Variants in LARS1 observed in about 807,000 individuals in gnomAD.
LARS1 encodes the protein leucyl-tRNA synthetase 1, also known as leucine--tRNA ligase, cytoplasmic.
LARS1 carries 100 observed loss-of-function variants against 162.8 expected under a neutral mutation model. That is an observed-to-expected ratio of 0.61 (90% CI 0.52 to 0.73). The LOEUF (loss-of-function observed/expected upper bound fraction) is 0.73, where lower values mean the gene tolerates loss of function less well. Among genes scored for constraint, LARS1 ranks in the 30% least tolerant of loss-of-function variants. The pLI is 0.00. For synonymous variants in LARS1, 457 were observed against 462.8 expected (o/e 0.99, Z 0.16); for missense variants, 1,258 against 1,408.9 (o/e 0.89, Z 1.71).
chr5:146,152,940 C>T (rs1234797977), intron 13 of LARS1, among the ~76,000 whole-genome samples: 2 of 152,108 alleles, frequency 1.3e-5, no homozygotes, highest in African/African-American at 4.8e-5. Flanking sequence ...ATTGGTGATG[C>T]TAAAAAGCTA....
intron 28 of LARS1, among the ~76,000 whole-genome samples, chr5:146,125,515 C>A (rs1233782220): frequency 6.6e-6 from 1 of 151,974 alleles, no homozygotes; most frequent in Non-Finnish European, 1.5e-5. Context: ...GAGCCTACTT[C>A]TTGACTAGTG....
rs375958004 is a variant in LARS1 at position 146,149,489 on chromosome 5, A to G, written c.1503+133T>C. 1.6e-5 allele frequency: 11 copies of G among 702,888 alleles called. No homozygotes were observed. In the East Asian group the frequency reaches 2.5e-4, roughly 16 times the overall value. The allele number at this position is 702,888 out of a possible 1,614,324, so 43.5% of individuals were successfully genotyped here. On this transcript the variant is annotated intron_variant, in intron 15 of 31. Coordinates refer to ENST00000394434, the MANE Select transcript of LARS1 (RefSeq NM_020117.11). Reference sequence around the variant, plus strand: ...GTTAAATGAATTGCTAAATAGGTCTATTTTCTGCCGCAAAACTGTATGATA... The same window carrying G: ...GTTAAATGAATTGCTAAATAGGTCTGTTTTCTGCCGCAAAACTGTATGATA...
At chr5:146,114,888 C>CA (rs1280313153) in intron 31 of LARS1, among the ~76,000 whole-genome samples, 10 of 150,896 alleles carry the variant, frequency 6.6e-5, no homozygotes, top group African/African-American at 2.4e-4. Context: ...TACTAAAATA[C>CA]AAAAAATTAG....
In LARS1 at chr5:146,128,744, G is replaced by A. The variant is rs1285758361; in HGVS notation, c.2808C>T (p.Cys936=). The A allele has an allele frequency of 6.2e-7, 1 of 1,602,462 alleles. No homozygotes were observed. The highest frequency in any genetic ancestry group is 8.5e-7 in the Non-Finnish European group (1 of 1,176,964). Residue 936 remains cysteine, a synonymous_variant, in exon 27 of 32, where the codon TGC becomes TGT. Transcript: ENST00000394434. Reference sequence around the variant, plus strand: ...GATAGTTCTTTGCCACATAGATGGTGCAATGTGAGGGCTTCTGCAGGGGTT... The same window carrying A: ...GATAGTTCTTTGCCACATAGATGGTACAATGTGAGGGCTTCTGCAGGGGTT... ...DKQPLQKPSH[C]TIYVAKNYPP... is the part of the protein sequence containing the mutation.
At chr5:146,131,233 T>C (rs1752265914) in intron 23 of LARS1, 124 bp from the exon 24 acceptor site, 4 of 532,362 alleles carry the variant, frequency 7.5e-6, no homozygotes, top group African/African-American at 5.9e-5. Context: ...ATACTGCTCA[T>C]TTAAGCAGTA....
At chr5:146,157,368 A>T in intron 10 of LARS1, 35 bp downstream of exon 10, 1 of 1,551,258 alleles carries the variant, frequency 6.4e-7, no homozygotes, top group Non-Finnish European at 8.9e-7. Context: ...CTTGAAATTT[A>T]CGCATTAAAA....
rs767326734 is a variant in LARS1 at position 146,133,078 on chromosome 5, A to G, written c.2216T>C (p.Met739Thr). Residue 739 changes from methionine (M) to threonine (T), a missense_variant, in exon 23 of 32, where the codon ATG becomes ACG. Met to Thr is a moderately conservative substitution (Grantham distance 81). Coordinates refer to ENST00000394434, the MANE Select transcript of LARS1 (RefSeq NM_020117.11). ...ACCAGCATCAGCCAGAGCCAAACGCATTCCTGGAAGAAGAAAAAAAAATTC... is the reference window on the plus strand; with the variant it reads ...ACCAGCATCAGCCAGAGCCAAACGCGTTCCTGGAAGAAGAAAAAAAAATTC... Reference protein sequence around the residue: ...QAIDKFSADGMRLALADAGDT... With the variant: ...QAIDKFSADGTRLALADAGDT... 1.2e-6 allele frequency: 2 copies of G among 1,611,550 alleles called. No homozygotes were observed. Among genetic ancestry groups the G allele is most frequent in the South Asian group, 2.2e-5 (2 of 90,468 alleles).
At chr5:146,162,684 A>T (rs921280641) in intron 6 of LARS1, among the ~76,000 whole-genome samples, 2 of 152,258 alleles carry the variant, frequency 1.3e-5, no homozygotes, top group Non-Finnish European at 2.9e-5. Context: ...TAGCTATGGA[A>T]GTCTTACAGC....
chr5:146,155,511 C>T (rs1753486987), intron 10 of LARS1, among the ~76,000 whole-genome samples: 1 of 152,086 alleles, frequency 6.6e-6, no homozygotes, highest in Non-Finnish European at 1.5e-5. Context: ...TTGAAAAAAT[C>T]CAAAAGATTA....
intron 15 of LARS1, among the ~76,000 whole-genome samples, chr5:146,146,680 A>G (rs559208493): frequency 7.6e-6 from 1 of 130,790 alleles, no homozygotes; most frequent in Non-Finnish European, 1.7e-5. Context: ...ATTCCTAGCT[A>G]TCTTCTCCCA....
chr5:146,116,149 T>C (rs1764197741), intron 31 of LARS1, among the ~76,000 whole-genome samples: 1 of 152,194 alleles, frequency 6.6e-6, no homozygotes, highest in African/African-American at 2.4e-5. Context: ...GTACGAGCCC[T>C]GAAAATTAAA....
At chr5:146,154,683 C>T (rs1278370196) in intron 10 of LARS1, among the ~76,000 whole-genome samples, 4 of 151,802 alleles carry the variant, frequency 2.6e-5, no homozygotes, top group South Asian at 2.1e-4. Flanking sequence ...AAGGCTGAGG[C>T]GGGAGAATTG....
chr5:146,137,750 G>A, intron 21 of LARS1: 1 of 295,310 alleles, frequency 3.4e-6, no homozygotes, highest in South Asian at 2.9e-5. Flanking sequence ...CTTCTAAAAG[G>A]AAATATGGCT....
intron 2 of LARS1, among the ~76,000 whole-genome samples, chr5:146,173,415 T>A (rs1339732026): frequency 6.6e-6 from 1 of 151,664 alleles, no homozygotes; most frequent in African/African-American, 2.4e-5. Flanking sequence ...ACTGAATAAA[T>A]GAGATTTGTT....
intron 5 of LARS1, among the ~76,000 whole-genome samples, chr5:146,165,969 AACTT>A (rs35659985): frequency 0.22 from 33,737 of 152,008 alleles, 4,760 homozygotes; most frequent in Admixed American, 0.33. Context: ...TATCAATATG[AACTT>A]ACTTGTTTTT....
intron 10 of LARS1, among the ~76,000 whole-genome samples, chr5:146,154,496 G>A (rs1037630494): frequency 6.6e-6 from 1 of 152,224 alleles, no homozygotes; most frequent in African/African-American, 2.4e-5. Flanking sequence ...AATGAATACA[G>A]GCTGAGCGCG....
At chr5:146,141,301 G>T (rs982092029) in intron 20 of LARS1, among the ~76,000 whole-genome samples, 2 of 152,026 alleles carry the variant, frequency 1.3e-5, no homozygotes, top group Non-Finnish European at 2.9e-5. Context: ...GGATATTAAA[G>T]ACCTTCCTCG....
chr5:146,153,651 G>T (rs1753391356), intron 12 of LARS1, 83 bp downstream of exon 12: 2 of 1,007,614 alleles, frequency 2.0e-6, no homozygotes, highest in African/African-American at 1.6e-5. Flanking sequence ...TAGCTTTTTA[G>T]CCTAGTCCCA....
chr5:146,142,853 C>T lies in LARS1; in HGVS notation c.2090+19G>A. 1 of 1,584,020 alleles carries T rather than the reference C, an allele frequency of 6.3e-7. No homozygotes were observed. On this transcript the variant is annotated intron_variant, in intron 20 of 31. Coordinates refer to ENST00000394434, the MANE Select transcript of LARS1 (RefSeq NM_020117.11). ...ATTGACAATCAATAAATCTAGTCCACACCTATTTTATCATTCACCTTTGTT... is the reference window on the plus strand; with the variant it reads ...ATTGACAATCAATAAATCTAGTCCATACCTATTTTATCATTCACCTTTGTT...
Sources: gnomAD v4.1 joint callset for allele counts (sites outside exome capture counted in the v4.1 genomes callset) on GRCh38, gnomAD v4.1.1 for gene constraint, MANE v1.5 for transcripts, NCBI Gene and HGNC (gene_info 2026-07-23, HGNC 2026-07-21) for gene names.